Variants in TNFSF13B observed in about 807,000 individuals in gnomAD.
TNFSF13B encodes TNF superfamily member 13b, also known as tumor necrosis factor ligand superfamily member 13B.
A neutral mutation model predicts 29.1 loss-of-function variants in TNFSF13B; 8 were observed. The ratio of observed to expected loss-of-function variants is 0.27; its 90% CI spans 0.16 to 0.50. The LOEUF (loss-of-function observed/expected upper bound fraction) is 0.50, where lower values mean the gene tolerates loss of function less well. Among genes scored for constraint, TNFSF13B ranks in the 20% least tolerant of loss-of-function variants. TNFSF13B has a pLI of 0.98. For missense variants in TNFSF13B, 248 were observed against 334.9 expected (o/e 0.74, Z 2.03); for synonymous variants, 125 against 130.8 (o/e 0.96, Z 0.30).
chr13:108,289,801 T>C lies in TNFSF13B; in HGVS notation c.481+2942T>C, dbSNP rs1223502021. 2.0e-5 allele frequency among the ~76,000 whole-genome samples: 3 copies of C among 152,038 alleles called. No individual in the cohort carries two copies. The East Asian group carries it at 5.8e-4, about 29-fold the overall frequency. On this transcript the variant is annotated intron_variant, in intron 3 of 5. Transcript: ENST00000375887. ...GAGTTCCTATGCTTGCTCTGCCCCATACTTTTGTCCAGACAGTGAGGGCAG... is the reference window on the plus strand; with the variant it reads ...GAGTTCCTATGCTTGCTCTGCCCCACACTTTTGTCCAGACAGTGAGGGCAG...
At chr13:108,278,068 T>C (rs1880807824) in intron 2 of TNFSF13B, among the ~76,000 whole-genome samples, 1 of 152,198 alleles carries the variant, frequency 6.6e-6, no homozygotes, top group Non-Finnish European at 1.5e-5. Context: ...AGTGTCAAAC[T>C]CATGGTTTGA....
At chr13:108,300,498 A>G (rs1881589168) in intron 3 of TNFSF13B, among the ~76,000 whole-genome samples, 2 of 152,236 alleles carry the variant, frequency 1.3e-5, no homozygotes, top group South Asian at 4.1e-4. Context: ...TGTGTTTTAC[A>G]ATAATGACAG....
chr13:108,295,084 G>A lies in TNFSF13B; in HGVS notation c.482-8169G>A, dbSNP rs545682522. ...ATTTTCTTTAATGATTTTATTAATT[G>A]GAGTATTTTCTCTTTTATTGGTCAA... On this transcript the variant is annotated intron_variant, in intron 3 of 5. Coordinates refer to ENST00000375887, the MANE Select transcript of TNFSF13B (RefSeq NM_006573.5). Among the ~76,000 whole-genome samples, 4 of 145,250 alleles carry A rather than the reference G, an allele frequency of 2.8e-5. 1 individual carries two copies. Among genetic ancestry groups the A allele is most frequent in the Non-Finnish European group, 6.1e-5 (4 of 65,474 alleles).
In TNFSF13B at chr13:108,280,509, G is replaced by A. The variant is rs1380657489; in HGVS notation, c.425-6294G>A. Reference sequence around the variant, plus strand: ...TCCTTGACATCAGGTTGGTTTACACGTGATATTGTGAAGCTACTGTTCTTC... The same window carrying A: ...TCCTTGACATCAGGTTGGTTTACACATGATATTGTGAAGCTACTGTTCTTC... On this transcript the variant is annotated intron_variant, in intron 2 of 5. Coordinates refer to ENST00000375887, the MANE Select transcript of TNFSF13B (RefSeq NM_006573.5). Among the ~76,000 whole-genome samples the A allele has an allele frequency of 7.2e-5, 11 of 152,252 alleles. No individual in the cohort carries two copies. In the East Asian group the frequency reaches 2.1e-3, roughly 29 times the overall value.
At position 108,307,013 on chromosome 13, in the gene TNFSF13B, TACC is replaced by T; in HGVS notation, c.*77_*79del. On this transcript the variant is annotated 3_prime_UTR_variant, in exon 6 of 6. Transcript: ENST00000375887. ...TAAGAAGAAAGAATCTAACTGAAAATACCAAAAAAAAAAAAAAAAAAAAAAAAA... is the reference window on the plus strand; with the variant it reads ...TAAGAAGAAAGAATCTAACTGAAAATAAAAAAAAAAAAAAAAAAAAAAAAA... 3.7e-5 allele frequency: 1 copy of T among 26,800 alleles called. No individual in the cohort carries two copies. Among genetic ancestry groups the T allele is most frequent in the Non-Finnish European group, 6.7e-5 (1 of 14,918 alleles). The allele number at this position is 26,800 out of a possible 1,614,324, so 1.7% of individuals were successfully genotyped here. A position where few individuals can be genotyped will look rare whatever the true frequency, so the allele number is the denominator to read the frequency against.
At chr13:108,283,554 A>T (rs7993590) in intron 2 of TNFSF13B, among the ~76,000 whole-genome samples, 32,898 of 152,168 alleles carry the variant, frequency 0.22, 4,260 homozygotes, top group East Asian at 0.44. Context: ...GAGACTAAAA[A>T]GGAGACATAT....
At chr13:108,289,609 T>C (rs973878973) in intron 3 of TNFSF13B, among the ~76,000 whole-genome samples, 11 of 147,728 alleles carry the variant, frequency 7.4e-5, no homozygotes, top group African/African-American at 1.2e-4. Context: ...TATAATAATA[T>C]ATTATTATCT....
chr13:108,270,361 G>A lies in TNFSF13B; in HGVS notation c.361G>A (p.Gly121Arg), dbSNP rs1191069891. 1 of 1,614,032 alleles carries A rather than the reference G, an allele frequency of 6.2e-7. No individual in the cohort carries two copies. The highest frequency in any genetic ancestry group is 8.5e-7 in the Non-Finnish European group (1 of 1,180,008). ...ATAGATCTTTGAACCACCAGCTCCAGGAGAAGGCAACTCCAGTCAGAACAG... is the reference window on the plus strand; with the variant it reads ...ATAGATCTTTGAACCACCAGCTCCAAGAGAAGGCAACTCCAGTCAGAACAG... ...GLKIFEPPAP[G>R]EGNSSQNSRN... Residue 121 changes from glycine (G) to arginine (R), a missense_variant, in exon 2 of 6, where the codon GGA becomes AGA. By Grantham distance (125) the Gly-to-Arg change is moderately radical. Coordinates refer to ENST00000375887, the MANE Select transcript of TNFSF13B (RefSeq NM_006573.5).
At chr13:108,278,875 A>G (rs1356109782) in intron 2 of TNFSF13B, among the ~76,000 whole-genome samples, 1 of 152,112 alleles carries the variant, frequency 6.6e-6, no homozygotes, top group Non-Finnish European at 1.5e-5. Flanking sequence ...AAATTACAAA[A>G]TAAGACATTT....
At chr13:108,291,079 C>T (rs1881293814) in intron 3 of TNFSF13B, among the ~76,000 whole-genome samples, 1 of 151,468 alleles carries the variant, frequency 6.6e-6, no homozygotes, top group African/African-American at 2.4e-5. Context: ...TTTTTAAATA[C>T]TTTTCTGTTA....
chr13:108,301,579 A>C (rs1182701638), intron 3 of TNFSF13B, among the ~76,000 whole-genome samples: 1 of 152,198 alleles, frequency 6.6e-6, no homozygotes, highest in Non-Finnish European at 1.5e-5. Flanking sequence ...TATATGTGGA[A>C]TCTAAAAAAA....
chr13:108,286,946 T>A, intron 3 of TNFSF13B, 87 bp downstream of exon 3: 1 of 827,638 alleles, frequency 1.2e-6, no homozygotes, highest in Non-Finnish European at 1.9e-6. Flanking sequence ...ATATACGCTA[T>A]GGAATACTAT....
At chr13:108,306,601 A>C (rs917605549) in intron 5 of TNFSF13B, among the ~76,000 whole-genome samples, 1 of 151,952 alleles carries the variant, frequency 6.6e-6, no homozygotes, top group Non-Finnish European at 1.5e-5. Flanking sequence ...TTTAATGAGT[A>C]GGTGATAAAT....
chr13:108,299,585 G>A (rs556040802), intron 3 of TNFSF13B, among the ~76,000 whole-genome samples: 14 of 151,646 alleles, frequency 9.2e-5, no homozygotes, highest in South Asian at 2.1e-4. Flanking sequence ...TGATTTTATC[G>A]CTAATCCTCA....
chr13:108,307,716 T>C lies in TNFSF13B; in HGVS notation c.*778T>C, dbSNP rs1396578067. 1 of 152,054 alleles carries C rather than the reference T, an allele frequency of 6.6e-6. No homozygotes were observed. The highest frequency in any genetic ancestry group is 2.1e-4 in the South Asian group (1 of 4,834). 9.4% of individuals were successfully genotyped at this position (152,054 alleles called of 1,614,324 possible). On this transcript the variant is annotated 3_prime_UTR_variant, in exon 6 of 6. Transcript: ENST00000375887. ...TCAATTTATGCCTATAAAGCATTGA[T>C]TGAAAAATAACTAGAATTGTGCATA...
rs376127641 is a variant in TNFSF13B at position 108,286,750 on chromosome 13, T to C, written c.425-53T>C. The stretch of plus-strand genomic sequence containing the variant: ...TGGGTTTCTAGCTTTGTGTTCTCAG[T>C]TTCTTTATTATTTCTACTCAAGTAA... On this transcript the variant is annotated intron_variant, in intron 2 of 5. Transcript: ENST00000375887. 113 of 1,272,920 alleles carry C rather than the reference T, an allele frequency of 8.9e-5. No homozygotes were observed. The African/African-American group carries it at 1.4e-3, about 16-fold the overall frequency. The allele number at this position is 1,272,920 out of a possible 1,614,324, so 78.9% of individuals were successfully genotyped here. A position where few individuals can be genotyped will look rare whatever the true frequency, so the allele number is the denominator to read the frequency against.
intron 2 of TNFSF13B, among the ~76,000 whole-genome samples, chr13:108,283,618 C>G (rs1052085626): frequency 1.3e-5 from 2 of 152,192 alleles, no homozygotes; most frequent in Non-Finnish European, 2.9e-5. Context: ...CTACATAGAA[C>G]ATCTAAATCT....
Position 108,269,802 on chromosome 13 carries a change from C to A in TNFSF13B, c.-94C>A. 1.7e-6 allele frequency: 2 copies of A among 1,206,802 alleles called. No homozygotes were observed. The highest frequency in any genetic ancestry group is 2.3e-6 in the Non-Finnish European group (2 of 859,540). The allele number at this position is 1,206,802 out of a possible 1,614,324, so 74.8% of individuals were successfully genotyped here. ...GAGCCAAGCCCTGCCATGTAGTGCA[C>A]GCAGGACATCAACAAACACAGATAA... On this transcript the variant is annotated 5_prime_UTR_variant, in exon 1 of 6. Coordinates refer to ENST00000375887, the MANE Select transcript of TNFSF13B (RefSeq NM_006573.5).
intron 2 of TNFSF13B, among the ~76,000 whole-genome samples, chr13:108,284,801 A>C (rs927337459): frequency 2.6e-5 from 4 of 152,146 alleles, no homozygotes; most frequent in Non-Finnish European, 5.9e-5. Context: ...TGTGAATAAT[A>C]ATTACTTAAG....
Sources: gnomAD v4.1 joint callset for allele counts (sites outside exome capture counted in the v4.1 genomes callset) on GRCh38, gnomAD v4.1.1 for gene constraint, MANE v1.5 for transcripts, NCBI Gene and HGNC (gene_info 2026-07-23, HGNC 2026-07-21) for gene names.